TRPM5: variants seen among roughly 807,000 people sequenced by gnomAD.
TRPM5 encodes transient receptor potential cation channel subfamily M member 5.
A neutral mutation model predicts 124.9 loss-of-function variants in TRPM5; 121 were observed. The observed-to-expected ratio is 0.97, with a 90% CI of 0.84 to 1.13. The LOEUF (loss-of-function observed/expected upper bound fraction) is 1.13. TRPM5 is among the 50% of genes most tolerant of loss of function. TRPM5 has a pLI of 0.00. For missense variants in TRPM5, 1,643 were observed against 1,589.1 expected, an observed-to-expected ratio of 1.03 and a Z score of -0.58; for synonymous variants, 781 against 700.5, an observed-to-expected ratio of 1.11 and a Z score of -1.81.
intron 11 of TRPM5, among the ~76,000 whole-genome samples, chr11:2,414,479 C>T (rs1383182343): frequency 3.3e-5 from 5 of 152,196 alleles, no homozygotes; most frequent in African/African-American, 9.6e-5. Context: ...AGTGTATGCC[C>T]GGGGTGTGAG....
chr11:2,418,543 T>A, exon 5 of TRPM5: 1 of 1,611,518 alleles, frequency 6.2e-7, no homozygotes. Context: ...GGTGTTGGGA[T>A]CACCATTGAC....
At chr11:2,413,104 C>G in intron 14 of TRPM5, 30 bp downstream of exon 19, 2 of 1,551,156 alleles carry the variant, frequency 1.3e-6, no homozygotes, top group Non-Finnish European at 1.7e-6. Context: ...CGCCAGTCCC[C>G]TCCACCCTGC....
intron 4 of TRPM5, 105 bp from the exon 10 acceptor site, chr11:2,418,696 C>T (rs988439567): frequency 5.0e-6 from 6 of 1,189,264 alleles, no homozygotes; most frequent in African/African-American, 1.5e-5. Flanking sequence ...GCTGGCTCTT[C>T]CGAATAAAGT....
At chr11:2,433,741 G>A in the TRPM5 span, among the ~76,000 whole-genome samples, 165 of 152,372 alleles carry the variant, frequency 1.1e-3, 1 homozygote, top group South Asian at 8.3e-3. Context: ...AAGGACCAGC[G>A]TGTGCCTGTG....
In TRPM5 at chr11:2,411,532, C is replaced by A; in HGVS notation, c.2608-6G>T. 6.2e-7 allele frequency: 1 copy of A among 1,607,568 alleles called. No homozygotes were observed. Among genetic ancestry groups the A allele is most frequent in the Non-Finnish European group, 8.5e-7 (1 of 1,176,334 alleles). On this transcript the variant is annotated splice_region_variant and splice_polypyrimidine_tract_variant and intron_variant, in intron 17 of 23. Transcript: ENST00000155858. ...AAGAAGAAGACGTCCTTCATCTCCA[C>A]GGGGCAGGGGCAGAGAGAGGGACGT...
At chr11:2,435,443 C>T in the TRPM5 span, among the ~76,000 whole-genome samples, 22 of 151,480 alleles carry the variant, frequency 1.5e-4, no homozygotes, top group Admixed American at 1.4e-3. This position sits in a 1 kb window ranked among gnomAD's most constrained non-coding sequence, Gnocchi z 4.1. Flanking sequence ...GCCATCCAGC[C>T]TTCCACCAGC....
chr11:2,428,915 G>A, the TRPM5 span, among the ~76,000 whole-genome samples: 1 of 140,886 alleles, frequency 7.1e-6, no homozygotes, highest in African/African-American at 2.8e-5. This position sits in a 1 kb window ranked among gnomAD's most constrained non-coding sequence, Gnocchi z 4.0. Flanking sequence ...GTTGGTATTG[G>A]TGTTGGTGAT....
At position 2,411,412 on chromosome 11, in the gene TRPM5, G is replaced by A. The variant is rs756294343; in HGVS notation, c.2722C>T (p.Arg908Trp). Residue 908 changes from arginine to tryptophan, a missense_variant, in exon 18 of 24, where the codon CGG becomes TGG. Physicochemically the swap from Arg to Trp is moderately radical, Grantham distance 101. Coordinates refer to ENST00000155858, the Ensembl canonical transcript of TRPM5. ...TGCAGGTAGGGCCGGTAGAGCACCC[G>A]GCGGAAGATCCACTCCAGGCGGCCG... The A allele has an allele frequency of 1.7e-5, 27 of 1,612,020 alleles. No individual in the cohort carries two copies. The highest frequency in any genetic ancestry group is 1.3e-5 in the African/African-American group (1 of 74,942).
At chr11:2,420,372 C>G (rs763144235) in exon 4 of TRPM5, 1 of 1,612,516 alleles carries the variant, frequency 6.2e-7, no homozygotes, top group Non-Finnish European at 8.5e-7. Context: ...TGGCTGCCGC[C>G]GTCATCCTCA....
chr11:2,404,989 C>G lies in TRPM5; in HGVS notation c.3446G>C (p.Gly1149Ala), dbSNP rs201800298. The change falls in exon 24 of 24, where the codon GGT (glycine) becomes GCT (alanine). Residue 1149 changes from glycine to alanine, a missense_variant. Gly to Ala is a moderately conservative substitution (Grantham distance 60). Coordinates refer to ENST00000155858, the Ensembl canonical transcript of TRPM5. Reference sequence around the variant, plus strand: ...CCCGGGTTGTTCCCAGCCATCTAAACCACCTCTGTGGTCAGCAGCCACCAG... The same window carrying G: ...CCCGGGTTGTTCCCAGCCATCTAAAGCACCTCTGTGGTCAGCAGCCACCAG... The G allele has an allele frequency of 1.2e-6, 2 of 1,612,706 alleles. No individual in the cohort carries two copies. The highest frequency in any genetic ancestry group is 2.7e-5 in the African/African-American group (2 of 74,936).
At chr11:2,414,998 A>G (rs1340714533) in exon 10 of TRPM5, 1 of 1,605,668 alleles carries the variant, frequency 6.2e-7, no homozygotes, top group Non-Finnish European at 8.5e-7. Context: ...CTTCTGGTTC[A>G]GGTCCAGCAG....
At chr11:2,410,472 A>G (rs1459454397) in intron 18 of TRPM5, among the ~76,000 whole-genome samples, 2 of 151,706 alleles carry the variant, frequency 1.3e-5, no homozygotes, top group South Asian at 4.2e-4. Flanking sequence ...AGTCTGCGGC[A>G]CCCCTCGAGG....
the TRPM5 span, among the ~76,000 whole-genome samples, chr11:2,438,891 CAA>C: frequency 6.6e-6 from 1 of 152,252 alleles, no homozygotes; most frequent in South Asian, 2.1e-4. The surrounding 1 kb of genome is among the most constrained non-coding windows in gnomAD (Gnocchi z 5.9). Context: ...GCAAAAAGAA[CAA>C]AGCCAGAGGC....
chr11:2,431,213 G>C, the TRPM5 span, among the ~76,000 whole-genome samples: 15 of 152,026 alleles, frequency 9.9e-5, no homozygotes, highest in Non-Finnish European at 2.1e-4. Flanking sequence ...ACTTGGCTCT[G>C]AGCAAATGGG....
chr11:2,422,414 G>T (rs1463862086), intron 1 of TRPM5, 93 bp from the exon 7 acceptor site: 6 of 1,033,638 alleles, frequency 5.8e-6, no homozygotes, highest in Non-Finnish European at 8.3e-6. Flanking sequence ...GGGCACTGGG[G>T]AGGTGCTGAG....
rs1033207578 is a variant in TRPM5 at position 2,414,697 on chromosome 11, C to T, written c.1744+18G>A. The T allele has an allele frequency of 2.6e-6, 4 of 1,526,360 alleles. No individual in the cohort carries two copies. Among genetic ancestry groups the T allele is most frequent in the Middle Eastern group, 2.2e-4 (1 of 4,600 alleles). The allele number at this position is 1,526,360 out of a possible 1,614,324, so 94.6% of individuals were successfully genotyped here. A position where few individuals can be genotyped will look rare whatever the true frequency, so the allele number is the denominator to read the frequency against. ...CCTCCCCCGCGCGCGGGCCCGGCCC[C>T]AGCCGCCGGTCACTCACCAAGGGCC... is the stretch of plus-strand genomic sequence containing the variant. On this transcript the variant is annotated intron_variant, in intron 11 of 23. Coordinates refer to ENST00000155858, the Ensembl canonical transcript of TRPM5.
At chr11:2,429,495 G>A in the TRPM5 span, among the ~76,000 whole-genome samples, 1 of 151,730 alleles carries the variant, frequency 6.6e-6, no homozygotes, top group Non-Finnish European at 1.5e-5. This position sits in a 1 kb window ranked among gnomAD's most constrained non-coding sequence, Gnocchi z 8.4. Flanking sequence ...TTGTACTGGT[G>A]GTGTTGGTGA....
At chr11:2,432,293 A>G in the TRPM5 span, among the ~76,000 whole-genome samples, 2 of 152,188 alleles carry the variant, frequency 1.3e-5, no homozygotes, top group African/African-American at 4.8e-5. Context: ...CTTCTTTGCT[A>G]CAGTTGGCCC....
exon 11 of TRPM5, chr11:2,414,771 G>A (rs752029762): frequency 3.2e-5 from 50 of 1,556,540 alleles, no homozygotes; most frequent in Non-Finnish European, 3.8e-5. Flanking sequence ...CTCGGCCTCC[G>A]TCTCCAGGTG....
Sources: allele counts gnomAD v4.1 joint callset (sites outside exome capture counted in the v4.1 genomes callset), GRCh38; gene constraint gnomAD v4.1.1; non-coding constraint Gnocchi (gnomAD v3.1); transcripts MANE v1.5; gene names NCBI Gene and HGNC (gene_info 2026-07-23, HGNC 2026-07-21).